MSI2: variants seen among roughly 807,000 people sequenced by gnomAD.
MSI2 encodes musashi RNA binding protein 2, also known as RNA-binding protein Musashi homolog 2.
A neutral mutation model predicts 45.6 loss-of-function variants in MSI2; 17 were observed. That is an observed-to-expected ratio of 0.37 (90% CI 0.26 to 0.56). The LOEUF is 0.56. Among genes scored for constraint, MSI2 ranks in the 20% least tolerant of loss-of-function variants. The probability of loss-of-function intolerance (pLI) is 0.77; values close to 1 mark genes in which losing one functional copy is unlikely to be tolerated. For missense variants in MSI2, 293 were observed against 444.2 expected, an observed-to-expected ratio of 0.66 and a Z score of 3.06; for synonymous variants, 156 against 158.2, an observed-to-expected ratio of 0.99 and a Z score of 0.11.
chr17:57,463,721 T>G (rs1193677174), intron 6 of MSI2, among the ~76,000 whole-genome samples: 1 of 90,310 alleles, frequency 1.1e-5, no homozygotes, highest in Admixed American at 1.3e-4. Context: ...CCCCCTGCTC[T>G]GCCCCTGGCC....
intron 5 of MSI2, among the ~76,000 whole-genome samples, chr17:57,391,256 G>A (rs572921830): frequency 2.6e-5 from 4 of 152,272 alleles, no homozygotes; most frequent in South Asian, 2.1e-4. Flanking sequence ...GAAAGGTTGC[G>A]CTGGAGGAGA....
In MSI2 at chr17:57,457,746, C is replaced by A. The variant is rs139943899; in HGVS notation, c.405+56275C>A. Reference sequence around the variant, plus strand: ...TCTATCTCTACAAATAAAATAAAATCAAATAAAATAAAATTAACTAGGCAT... The same window carrying A: ...TCTATCTCTACAAATAAAATAAAATAAAATAAAATAAAATTAACTAGGCAT... On this transcript the variant is annotated intron_variant, in intron 6 of 13. Coordinates refer to ENST00000284073, the MANE Select transcript of MSI2 (RefSeq NM_138962.4). Among the ~76,000 whole-genome samples, 61 of 151,680 alleles carry A rather than the reference C, an allele frequency of 4.0e-4. No homozygotes were observed. The East Asian group carries it at 7.0e-3, about 17-fold the overall frequency.
intron 6 of MSI2, among the ~76,000 whole-genome samples, chr17:57,458,132 G>T (rs959904161): frequency 1.5e-5 from 2 of 132,832 alleles, no homozygotes; most frequent in African/African-American, 5.9e-5. Flanking sequence ...ATGGAGTCTC[G>T]CTCTGTCGCC....
At position 57,682,427 on chromosome 17, in the gene MSI2, A is replaced by T. The variant is rs1013240097; in HGVS notation, c.*2910A>T. The T allele has an allele frequency of 5.6e-6, 1 of 179,172 alleles. No homozygotes were observed. The highest frequency in any genetic ancestry group is 2.4e-5 in the African/African-American group (1 of 41,704). The allele number at this position is 179,172 out of a possible 1,614,324, so 11.1% of individuals were successfully genotyped here. On this transcript the variant is annotated 3_prime_UTR_variant, in exon 14 of 14. Transcript: ENST00000284073. ...ATTTTTTAAAAGAGGGAGGCATGGTATATTAAAATGATTTTACTAAGAGAA... is the reference window on the plus strand; with the variant it reads ...ATTTTTTAAAAGAGGGAGGCATGGTTTATTAAAATGATTTTACTAAGAGAA...
intron 5 of MSI2, among the ~76,000 whole-genome samples, chr17:57,351,172 T>C (rs1468320165): frequency 6.6e-6 from 1 of 151,994 alleles, no homozygotes; most frequent in Non-Finnish European, 1.5e-5. Context: ...CAGGAGACCA[T>C]TCTAGGGAGG....
chr17:57,364,583 G>A (rs1482092708), intron 5 of MSI2, among the ~76,000 whole-genome samples: 1 of 152,198 alleles, frequency 6.6e-6, no homozygotes, highest in Non-Finnish European at 1.5e-5. Flanking sequence ...ATGGGCTTGT[G>A]TTTAAGCCCG....
At chr17:57,674,275 G>T (rs1367949403) in intron 11 of MSI2, among the ~76,000 whole-genome samples, 8 of 150,630 alleles carry the variant, frequency 5.3e-5, no homozygotes, top group South Asian at 2.1e-4. Context: ...CAGTGGGGAG[G>T]GGCGGGTGGT....
chr17:57,393,774 C>G (rs534619384), intron 5 of MSI2, among the ~76,000 whole-genome samples: 1 of 152,162 alleles, frequency 6.6e-6, no homozygotes, highest in Non-Finnish European at 1.5e-5. Context: ...CTCCGCCTCC[C>G]GGGTTCAAGT....
chr17:57,538,641 A>C (rs2086974245), intron 7 of MSI2, among the ~76,000 whole-genome samples: 1 of 152,156 alleles, frequency 6.6e-6, no homozygotes, highest in Non-Finnish European at 1.5e-5. Flanking sequence ...CACCTGCTTA[A>C]CTTCTTTAGG....
chr17:57,335,532 G>A (rs1043767053), intron 5 of MSI2, among the ~76,000 whole-genome samples: 4 of 152,204 alleles, frequency 2.6e-5, no homozygotes, highest in African/African-American at 9.7e-5. Context: ...GCCAAGTGTT[G>A]ATTACCTGGC....
rs1909332461 is a variant in MSI2 at position 57,280,614 on chromosome 17, G to A, written c.312+18422G>A. ...TGTTGGCCCATGCAGGGGACAGGCA[G>A]GGCAGGTGTGCCTGGCTCAGGGGGT... On this transcript the variant is annotated intron_variant, in intron 5 of 13. Coordinates refer to ENST00000284073, the MANE Select transcript of MSI2 (RefSeq NM_138962.4). This position sits in a 1 kb window ranked among gnomAD's most constrained non-coding sequence, Gnocchi z 4.2. Among the ~76,000 whole-genome samples, 1 of 152,144 alleles carries A rather than the reference G, an allele frequency of 6.6e-6. No individual in the cohort carries two copies. The highest frequency in any genetic ancestry group is 2.1e-4 in the South Asian group (1 of 4,818).
chr17:57,339,794 C>T (rs1406715475), intron 5 of MSI2, among the ~76,000 whole-genome samples: 1 of 152,124 alleles, frequency 6.6e-6, no homozygotes, highest in Non-Finnish European at 1.5e-5. Flanking sequence ...ACCTTTGGGT[C>T]TCCTGACTCC....
chr17:57,303,335 A>G (rs1246014280), intron 5 of MSI2, among the ~76,000 whole-genome samples: 3 of 152,234 alleles, frequency 2.0e-5, no homozygotes, highest in Admixed American at 6.5e-5. Flanking sequence ...AGCTCGACAT[A>G]TGCTGGGTTG....
chr17:57,625,715 C>T (rs1908731488), intron 9 of MSI2: 1 of 152,236 alleles, frequency 6.6e-6, no homozygotes, highest in South Asian at 2.1e-4. Flanking sequence ...TAACAAGCAA[C>T]AGAAACAACC....
At chr17:57,510,951 G>A (rs543266100) in intron 6 of MSI2, among the ~76,000 whole-genome samples, 2 of 152,312 alleles carry the variant, frequency 1.3e-5, no homozygotes, top group Admixed American at 6.5e-5. Flanking sequence ...CTCTGGAGGT[G>A]GGAGGGAGCT....
At chr17:57,262,351 T>C (rs1907389344) in intron 5 of MSI2, 159 bp downstream of exon 5, 1 of 682,434 alleles carries the variant, frequency 1.5e-6, no homozygotes, top group Non-Finnish European at 2.4e-6. Context: ...GAGATAACCA[T>C]GCGTCTCTAA....
rs1048985633 is a variant in MSI2, at chr17:57,652,286, G to C, written c.790+125G>C. The C allele has an allele frequency of 1.0e-5, 10 of 996,202 alleles. No individual in the cohort carries two copies. The Admixed American group carries it at 2.1e-4, about 21-fold the overall frequency. 61.7% of individuals were successfully genotyped at this position (996,202 alleles called of 1,614,324 possible). A position where few individuals can be genotyped will look rare whatever the true frequency, so the allele number is the denominator to read the frequency against. On this transcript the variant is annotated intron_variant, in intron 11 of 13. Coordinates refer to ENST00000284073, the MANE Select transcript of MSI2 (RefSeq NM_138962.4). The surrounding 1 kb of genome is among the most constrained non-coding windows in gnomAD (Gnocchi z 4.1). Reference sequence around the variant, plus strand: ...CCACTCTCACCACAGCCCCGGGGAGGGGGTGGACGGGGAGGGGGTGGACCG... The same window carrying C: ...CCACTCTCACCACAGCCCCGGGGAGCGGGTGGACGGGGAGGGGGTGGACCG...
intron 11 of MSI2, among the ~76,000 whole-genome samples, chr17:57,661,297 T>A (rs1911973317): frequency 6.6e-6 from 1 of 151,814 alleles, no homozygotes; most frequent in Non-Finnish European, 1.5e-5. Context: ...GGTCAGAGAG[T>A]ACCCAGAAGG....
At chr17:57,492,253 C>T (rs1418624969) in intron 6 of MSI2, among the ~76,000 whole-genome samples, 3 of 152,146 alleles carry the variant, frequency 2.0e-5, no homozygotes, top group African/African-American at 7.2e-5. Flanking sequence ...TATATGAGTA[C>T]CGAAGGTGAT....
Sources: gnomAD v4.1 joint callset for allele counts (sites outside exome capture counted in the v4.1 genomes callset) on GRCh38, gnomAD v4.1.1 for gene constraint, Gnocchi (gnomAD v3.1) non-coding constraint, MANE v1.5 for transcripts, NCBI Gene and HGNC (gene_info 2026-07-23, HGNC 2026-07-21) for gene names.